LAMC3: variants seen among roughly 807,000 people sequenced by gnomAD.
LAMC3 encodes the protein laminin subunit gamma-3.
LAMC3 carries 128 observed loss-of-function variants against 173.8 expected under a neutral mutation model. The observed-to-expected ratio is 0.74, with a 90% CI of 0.64 to 0.85. The LOEUF is 0.85. Among genes scored for constraint, LAMC3 ranks in the 40% least tolerant of loss-of-function variants. LAMC3 has a pLI of 0.00. For missense variants in LAMC3, 2,022 were observed against 2,156.0 expected (o/e 0.94, Z 1.23); for synonymous variants, 897 against 909.1 (o/e 0.99, Z 0.24).
chr9:131,047,374 T>A (rs1410227022), intron 8 of LAMC3, among the ~76,000 whole-genome samples: 1 of 150,764 alleles, frequency 6.6e-6, no homozygotes, highest in African/African-American at 2.4e-5. Context: ...ACCATGTTGG[T>A]CAGGCTGGTC....
chr9:131,085,918 T>C (rs1830324526), intron 25 of LAMC3, 195 bp downstream of exon 25: 1 of 666,934 alleles, frequency 1.5e-6, no homozygotes, highest in South Asian at 1.7e-5. Context: ...GCTGTCCCCA[T>C]TGTACAGGTG....
chr9:131,040,036 A>G (rs1834020313), intron 6 of LAMC3, among the ~76,000 whole-genome samples: 1 of 136,834 alleles, frequency 7.3e-6, no homozygotes, highest in Admixed American at 7.3e-5. Flanking sequence ...TTTTTTTGAG[A>G]CAGATTCTTG....
chr9:131,069,324 C>T (rs1438944271), intron 16 of LAMC3, among the ~76,000 whole-genome samples: 5 of 152,154 alleles, frequency 3.3e-5, no homozygotes, highest in African/African-American at 1.2e-4. Flanking sequence ...CTCATGCCGG[C>T]CAGGAATGTA....
chr9:131,064,686 G>A (rs1040504452), intron 13 of LAMC3, among the ~76,000 whole-genome samples: 2 of 142,130 alleles, frequency 1.4e-5, no homozygotes, highest in African/African-American at 2.6e-5. Context: ...AAAAAGAAAT[G>A]TACATACTCA....
At chr9:131,091,450 A>T (rs1830422982) in intron 27 of LAMC3, 87 bp from the exon 28 acceptor site, 2 of 1,521,456 alleles carry the variant, frequency 1.3e-6, no homozygotes, top group South Asian at 2.4e-5. Flanking sequence ...GGGAGGCCTG[A>T]GCTGGGGAGA....
chr9:131,022,073 G>A (rs545483451), intron 1 of LAMC3, among the ~76,000 whole-genome samples: 213 of 152,206 alleles, frequency 1.4e-3, no homozygotes, highest in African/African-American at 4.8e-3. Context: ...TAAGACCCAC[G>A]GTCAGAAAGG....
intron 4 of LAMC3, among the ~76,000 whole-genome samples, chr9:131,037,849 G>A (rs574128196): frequency 3.9e-5 from 6 of 152,274 alleles, no homozygotes; most frequent in South Asian, 2.1e-4. Context: ...ACCTTCCCAC[G>A]GCTCCCCCTT....
rs866966288 is a variant in LAMC3, at chr9:131,012,902, C to T, written c.373+3315C>T. ...CCCCGTGGCTCCTGGACATCTGTTC[C>T]GGATCCTCCCGTCATCTCTGAGCTG... is the stretch of plus-strand genomic sequence containing the variant. On this transcript the variant is annotated intron_variant, in intron 1 of 27. Transcript: ENST00000361069. 9.2e-5 allele frequency among the ~76,000 whole-genome samples: 14 copies of T among 152,220 alleles called. 1 individual carries two copies. Among genetic ancestry groups the T allele is most frequent in the African/African-American group, 2.9e-4 (12 of 41,454 alleles).
chr9:131,071,562 C>G lies in LAMC3; in HGVS notation c.3148C>G (p.Leu1050Val). 6.2e-7 allele frequency: 1 copy of G among 1,612,442 alleles called. No individual in the cohort carries two copies. Among genetic ancestry groups the G allele is most frequent in the Non-Finnish European group, 8.5e-7 (1 of 1,178,984 alleles). The change falls in exon 18 of 28, where the codon CTA becomes GTA. Residue 1050 changes from leucine to valine, a missense_variant. Coordinates refer to ENST00000361069, the MANE Select transcript of LAMC3 (RefSeq NM_006059.4). ...CGACTGTGGCAGTCCCTGGGGACCA[C>G]TAGACATTCTGCTGGGAGAGGCCCC... is the stretch of plus-strand genomic sequence containing the variant. Reference protein sequence around the residue: ...GSDCGSPWGPLDILLGEAPRG... With the variant: ...GSDCGSPWGPVDILLGEAPRG...
At chr9:131,061,656 T>C (rs10901338) in intron 13 of LAMC3, among the ~76,000 whole-genome samples, 92,576 of 151,560 alleles carry the variant, frequency 0.61, 29,483 homozygotes, top group Non-Finnish European at 0.7. Flanking sequence ...GCTCCTTGTA[T>C]TCTTTCCTGC....
At chr9:131,021,095 C>T (rs1253924303) in intron 1 of LAMC3, 1 of 152,148 alleles carries the variant, frequency 6.6e-6, no homozygotes, top group African/African-American at 2.4e-5. Context: ...TAGGTTCTTG[C>T]TTGGAGTAAC....
intron 15 of LAMC3, 108 bp from the exon 16 acceptor site, chr9:131,068,800 T>C: frequency 8.2e-7 from 1 of 1,218,104 alleles, no homozygotes; most frequent in South Asian, 1.4e-5. Context: ...GATGGGGTCT[T>C]GTCAGCAGAG....
intron 20 of LAMC3, among the ~76,000 whole-genome samples, chr9:131,074,699 GAAA>G (rs67374198): frequency 0.16 from 20,593 of 129,670 alleles, 1,513 homozygotes; most frequent in South Asian, 0.21. Flanking sequence ...CCATCTCAAA[GAAA>G]AAAAAAAAAA....
rs2275132 is a variant in LAMC3, at chr9:131,036,211, A to T, written c.855A>T (p.Ala285=). 69 of 1,612,922 alleles carry T rather than the reference A, an allele frequency of 4.3e-5. No homozygotes were observed. The highest frequency in any genetic ancestry group is 5.8e-5 in the Non-Finnish European group (68 of 1,179,856). Residue 285 remains alanine, a synonymous_variant, in exon 4 of 28, where the codon GCA becomes GCT. Transcript: ENST00000361069. ...GHASECGPDV[A]GQLACRCQHN... is the part of the protein sequence containing the mutation. ...CCAGCGAGTGCGGCCCCGACGTGGC[A>T]GGCCAGTTGGCCTGCCGGTGCCAGC...
chr9:131,010,771 AG>A (rs1382079512), intron 1 of LAMC3, among the ~76,000 whole-genome samples: 3 of 152,216 alleles, frequency 2.0e-5, no homozygotes, highest in African/African-American at 7.2e-5. Context: ...TGACTTGCCG[AG>A]GTGCAGAAGC....
Position 131,049,132 on chromosome 9 carries a change from T to C in LAMC3, c.1630+2T>C. The stretch of plus-strand genomic sequence containing the variant: ...ACGAGGAGGAGCTCACAGCACCAGG[T>C]ACCTCCAGCACCAGGTGGGGGCTGG... On this transcript the variant is annotated splice_donor_variant, in intron 9 of 27. Coordinates refer to ENST00000361069, the MANE Select transcript of LAMC3 (RefSeq NM_006059.4). LOFTEE classifies it high-confidence loss of function. The C allele has an allele frequency of 6.5e-7, 1 of 1,534,854 alleles. No individual in the cohort carries two copies. The highest frequency in any genetic ancestry group is 2.4e-5 in the East Asian group (1 of 40,868).
At chr9:131,082,432 C>T (rs1830258064) in intron 24 of LAMC3, among the ~76,000 whole-genome samples, 1 of 152,326 alleles carries the variant, frequency 6.6e-6, no homozygotes, top group Non-Finnish European at 1.5e-5. Flanking sequence ...GAGACTCTAA[C>T]ATCATTGGCT....
Position 131,077,287 on chromosome 9 carries a change from G to A in LAMC3, c.3730G>A (p.Ala1244Thr), listed in dbSNP as rs113975085. The A allele has an allele frequency of 4.0e-5, 64 of 1,614,022 alleles. No homozygotes were observed. In the East Asian group the frequency reaches 6.9e-4, roughly 17 times the overall value. Residue 1244 changes from alanine (A) to threonine (T), a missense_variant, in exon 22 of 28, where the codon GCA becomes ACA. By Grantham distance (58) the Ala-to-Thr change is moderately conservative. Coordinates refer to ENST00000361069, the MANE Select transcript of LAMC3 (RefSeq NM_006059.4). ...GTTGGCCACCGTGCAGCAAGTTGGC[G>A]CAGATACAGCCCCGTACCTGGCCTT... is the stretch of plus-strand genomic sequence containing the variant. ...SVLATVQQVG[A>T]DTAPYLALLA...
At chr9:131,077,607 G>A (rs1281621626) in intron 22 of LAMC3, among the ~76,000 whole-genome samples, 1 of 145,040 alleles carries the variant, frequency 6.9e-6, no homozygotes, top group Non-Finnish European at 1.5e-5. Context: ...AACCTGGGAG[G>A]CAGAGGCTGC....
Sources: allele counts gnomAD v4.1 joint callset (sites outside exome capture counted in the v4.1 genomes callset), GRCh38; gene constraint gnomAD v4.1.1; transcripts MANE v1.5; gene names NCBI Gene and HGNC (gene_info 2026-07-23, HGNC 2026-07-21).